C13orf42: variants seen among roughly 807,000 people sequenced by gnomAD.
C13orf42 encodes the protein chromosome 13 open reading frame 42, also known as uncharacterized protein C13orf42.
At chr13:51,108,421 T>C (rs1953385990) in intron 1 of C13orf42, among the ~76,000 whole-genome samples, 1 of 151,974 alleles carries the variant, frequency 6.6e-6, no homozygotes, top group African/African-American at 2.4e-5. Flanking sequence ...TTCCTTCTGG[T>C]CCCCTGTCCC....
At position 51,103,468 on chromosome 13, in the gene C13orf42, C is replaced by T. The variant is rs571923222; in HGVS notation, c.414+7328G>A. On this transcript the variant is annotated intron_variant, in intron 1 of 3. Transcript: ENST00000563710. Reference sequence around the variant, plus strand: ...CTGTAATCCCAGCACTTTGGGAGGCCGAGGCGGGTGGATCATGAGGCCAGG... The same window carrying T: ...CTGTAATCCCAGCACTTTGGGAGGCTGAGGCGGGTGGATCATGAGGCCAGG... 7.2e-4 allele frequency among the ~76,000 whole-genome samples: 109 copies of T among 152,084 alleles called. 1 individual carries two copies. Among genetic ancestry groups the T allele is most frequent in the Middle Eastern group, 3.4e-3 (1 of 294 alleles).
chr13:51,157,415 C>T (rs1953832717), intron 1 of C13orf42, among the ~76,000 whole-genome samples: 2 of 152,124 alleles, frequency 1.3e-5, no homozygotes, highest in South Asian at 4.1e-4. Flanking sequence ...GCCTGGGCGA[C>T]AGAGCGAGAC....
chr13:51,096,788 T>A (rs1047297497), intron 1 of C13orf42, among the ~76,000 whole-genome samples: 6 of 152,240 alleles, frequency 3.9e-5, no homozygotes, highest in African/African-American at 1.4e-4. Context: ...TTGAGTTTCA[T>A]GTTTAAGGAT....
At chr13:51,171,077 A>G (rs1006909401) in intron 1 of C13orf42, among the ~76,000 whole-genome samples, 10 of 151,540 alleles carry the variant, frequency 6.6e-5, no homozygotes, top group Non-Finnish European at 1.3e-4. Context: ...GAACCCCCCA[A>G]CCCTTCTCCG....
rs148131433 is a variant in C13orf42 at position 51,164,913 on chromosome 13, C to G, written n.136+7340G>C. On this transcript the variant is annotated intron_variant and non_coding_transcript_variant, in intron 1 of 4. Transcript: ENST00000433280. Reference sequence around the variant, plus strand: ...CCAGATAAGAGTTTGGCTTTACATACGCTGACTTGGAGATATCCATTAGGG... The same window carrying G: ...CCAGATAAGAGTTTGGCTTTACATAGGCTGACTTGGAGATATCCATTAGGG... Among the ~76,000 whole-genome samples the G allele has an allele frequency of 2.6e-5, 4 of 152,250 alleles. No homozygotes were observed. The South Asian group carries it at 8.3e-4, about 32-fold the overall frequency.
intron 2 of C13orf42, among the ~76,000 whole-genome samples, chr13:51,086,492 G>A (rs931468647): frequency 6.8e-6 from 1 of 147,206 alleles, no homozygotes; most frequent in Non-Finnish European, 1.5e-5. Context: ...GTGTGTAAGA[G>A]AGTGTGTGTG....
rs749915225 is a variant in C13orf42, at chr13:51,136,637, G to C, written n.137-23415C>G. ...CCCCAAATGATTCTTAGGCATCCTG[G>C]AGTTTGGAATCCACAAAGGAAGAGG... On this transcript the variant is annotated intron_variant and non_coding_transcript_variant, in intron 1 of 4. Coordinates refer to the C13orf42 transcript ENST00000433280. Among the ~76,000 whole-genome samples, 40 of 152,272 alleles carry C rather than the reference G, an allele frequency of 2.6e-4. 1 individual carries two copies. Among genetic ancestry groups the C allele is most frequent in the Non-Finnish European group, 5.0e-4 (34 of 68,016 alleles).
Position 51,087,210 on chromosome 13 carries a change from G to T in C13orf42, c.562+718C>A, listed in dbSNP as rs541933960. ...GATTCTTTGCTCTCCATCAGGAGGG[G>T]TGCCCAAGGACACGCCTTGGTGAGG... is the stretch of plus-strand genomic sequence containing the variant. On this transcript the variant is annotated intron_variant, in intron 2 of 3. Transcript: ENST00000563710. 1.7e-4 allele frequency among the ~76,000 whole-genome samples: 26 copies of T among 152,232 alleles called. No individual in the cohort carries two copies. In the South Asian group the frequency reaches 5.2e-3, roughly 30 times the overall value.
intron 1 of C13orf42, among the ~76,000 whole-genome samples, chr13:51,148,875 G>T (rs1345745669): frequency 1.3e-5 from 2 of 152,158 alleles, no homozygotes; most frequent in Admixed American, 6.5e-5. Context: ...CACCTCAAAG[G>T]CTCCCAGGAC....
intron 3 of C13orf42, among the ~76,000 whole-genome samples, chr13:51,084,729 C>A (rs1953104070): frequency 6.6e-6 from 1 of 152,192 alleles, no homozygotes; most frequent in East Asian, 1.9e-4. Flanking sequence ...GTTGCCCAAA[C>A]CCAGAAAGAG....
At chr13:51,141,046 AG>A (rs1171206124) in intron 1 of C13orf42, among the ~76,000 whole-genome samples, 1 of 150,774 alleles carries the variant, frequency 6.6e-6, no homozygotes, top group Admixed American at 6.6e-5. Context: ...TTGTTAAAGG[AG>A]CTCAATAGCT....
upstream of C13orf42, among the ~76,000 whole-genome samples, chr13:51,116,043 T>C (rs980755652): frequency 2.0e-5 from 3 of 151,734 alleles, no homozygotes; most frequent in African/African-American, 7.3e-5. Context: ...CATCCCTTCT[T>C]ACTTTAACAT....
At chr13:51,150,968 G>A (rs1364261037) in intron 1 of C13orf42, among the ~76,000 whole-genome samples, 12 of 152,188 alleles carry the variant, frequency 7.9e-5, no homozygotes, top group Non-Finnish European at 5.9e-5. Context: ...CAAGTACAGA[G>A]CTGTAGAATC....
chr13:51,170,208 G>A (rs573281996), intron 1 of C13orf42, among the ~76,000 whole-genome samples: 9 of 151,976 alleles, frequency 5.9e-5, no homozygotes, highest in African/African-American at 1.2e-4. Context: ...CCTTATCTCC[G>A]TTTGCTGACT....
chr13:51,143,481 GTTATA>G (rs1005912908), intron 1 of C13orf42, among the ~76,000 whole-genome samples: 45 of 133,276 alleles, frequency 3.4e-4, no homozygotes, highest in African/African-American at 1.2e-3. Flanking sequence ...ACTTATGGAA[GTTATA>G]TTATATAATG....
chr13:51,091,984 C>T (rs1375625059), intron 1 of C13orf42, among the ~76,000 whole-genome samples: 3 of 152,296 alleles, frequency 2.0e-5, no homozygotes, highest in East Asian at 3.9e-4. Flanking sequence ...GGTAACGAGA[C>T]TCCATCCATC....
At chr13:51,151,854 T>C (rs989720235) in intron 1 of C13orf42, among the ~76,000 whole-genome samples, 1 of 152,174 alleles carries the variant, frequency 6.6e-6, no homozygotes, top group Admixed American at 6.5e-5. Flanking sequence ...ACTTACATGG[T>C]CCCAGGGCCT....
At chr13:51,116,946 C>T (rs12875596) in intron 1 of C13orf42, among the ~76,000 whole-genome samples, 1 of 152,066 alleles carries the variant, frequency 6.6e-6, no homozygotes, top group African/African-American at 2.4e-5. Flanking sequence ...CACGGCCAAG[C>T]CTTCAGGCTG....
rs901005956 is a variant in C13orf42 at position 51,125,266 on chromosome 13, T to C, written n.137-12044A>G. Among the ~76,000 whole-genome samples the C allele has an allele frequency of 9.9e-5, 15 of 152,230 alleles. No homozygotes were observed. In the East Asian group the frequency reaches 1.3e-3, roughly 14 times the overall value. On this transcript the variant is annotated intron_variant and non_coding_transcript_variant, in intron 1 of 4. Coordinates refer to the C13orf42 transcript ENST00000433280. ...CAAACGTGTCTATCCTGACCTATAA[T>C]TGCATTATCTTCCCACTAAATTCTC...
Sources: allele counts gnomAD v4.1 joint callset (sites outside exome capture counted in the v4.1 genomes callset), GRCh38; gene constraint gnomAD v4.1.1; transcripts MANE v1.5; gene names NCBI Gene and HGNC (gene_info 2026-07-23, HGNC 2026-07-21).